Variants in ZNF431 observed in about 807,000 individuals in gnomAD.
ZNF431 encodes the protein zinc finger protein 431.
A neutral mutation model predicts 57.0 loss-of-function variants in ZNF431; 34 were observed. The ratio of observed to expected loss-of-function variants is 0.60; its 90% CI spans 0.45 to 0.79. The LOEUF is 0.79. Among genes scored for constraint, ZNF431 ranks in the 30% least tolerant of loss-of-function variants. ZNF431 has a pLI of 0.00. For missense variants in ZNF431, 607 were observed against 667.1 expected (o/e 0.91, Z 0.99); for synonymous variants, 207 against 220.3 (o/e 0.94, Z 0.54).
At chr19:21,148,872 A>C (rs1176975458) in intron 2 of ZNF431, among the ~76,000 whole-genome samples, 1 of 152,180 alleles carries the variant, frequency 6.6e-6, no homozygotes, top group African/African-American at 2.4e-5. Flanking sequence ...GGCTAACTTG[A>C]TGTGTCCCAG....
At position 21,187,812 on chromosome 19, in the gene ZNF431, T is replaced by C. The variant is rs1971412924; in HGVS notation, c.*3778T>C. The stretch of plus-strand genomic sequence containing the variant: ...TATGCATTTTCCAACTATGTATGCA[T>C]CACAGCTATTCTTTTTCTGAGTTAT... On this transcript the variant is annotated 3_prime_UTR_variant, in exon 5 of 5. Transcript: ENST00000311048. The C allele has an allele frequency of 6.6e-6, 1 of 152,234 alleles. No homozygotes were observed. Among genetic ancestry groups the C allele is most frequent in the Non-Finnish European group, 1.5e-5 (1 of 68,050 alleles). 9.4% of individuals were successfully genotyped at this position (152,234 alleles called of 1,614,324 possible).
intron 2 of ZNF431, among the ~76,000 whole-genome samples, chr19:21,152,955 G>A (rs1970317391): frequency 6.6e-6 from 1 of 152,230 alleles, no homozygotes; most frequent in South Asian, 2.1e-4. Context: ...GCAAGTTAAT[G>A]AAGAAAGTAA....
intron 2 of ZNF431, among the ~76,000 whole-genome samples, chr19:21,160,779 A>T (rs1449188380): frequency 6.6e-5 from 10 of 152,198 alleles, no homozygotes; most frequent in Non-Finnish European, 1.3e-4. Context: ...TGGTACCAAG[A>T]TGAGAGTTTC....
intron 2 of ZNF431, among the ~76,000 whole-genome samples, chr19:21,148,536 A>G (rs1384091527): frequency 6.6e-6 from 1 of 152,208 alleles, no homozygotes; most frequent in Admixed American, 6.5e-5. Flanking sequence ...CAAATCTTCC[A>G]CAATTTGTTT....
rs778542063 is a variant in ZNF431, at chr19:21,150,170, G to C, written c.96+6527G>C. On this transcript the variant is annotated intron_variant, in intron 2 of 4. Coordinates refer to ENST00000311048, the MANE Select transcript of ZNF431 (RefSeq NM_133473.4). ...GTAGGCTAGCTTAAGCAGCTGAGTA[G>C]CTGTTTGGTGGTCCAGGCCCTGGGT... 331 of 592,308 alleles carry C rather than the reference G, an allele frequency of 5.6e-4. 3 individuals are homozygous for C. Among genetic ancestry groups the C allele is most frequent in the Admixed American group, 3.6e-4 (16 of 44,658 alleles). 36.7% of individuals were successfully genotyped at this position (592,308 alleles called of 1,614,324 possible).
rs1299658246 is a variant in ZNF431, at chr19:21,149,560, TTTTC to T, written c.96+5921_96+5924del. 5 of 192,504 alleles carry T rather than the reference TTTTC, an allele frequency of 2.6e-5. No homozygotes were observed. The East Asian group carries it at 6.0e-4, about 23-fold the overall frequency. The allele number at this position is 192,504 out of a possible 1,614,324, so 11.9% of individuals were successfully genotyped here. Reference sequence around the variant, plus strand: ...ACAGAAGATTCAGTAGTTGTAAGGTTTTTCTTTGTCAATTTCTTTCTTTTTTTTG... The same window carrying T: ...ACAGAAGATTCAGTAGTTGTAAGGTTTTTGTCAATTTCTTTCTTTTTTTTG... On this transcript the variant is annotated intron_variant, in intron 2 of 4. Coordinates refer to ENST00000311048, the MANE Select transcript of ZNF431 (RefSeq NM_133473.4).
At chr19:21,169,349 C>T (rs542044664) in intron 4 of ZNF431, among the ~76,000 whole-genome samples, 6 of 152,296 alleles carry the variant, frequency 3.9e-5, no homozygotes, top group East Asian at 1.9e-4. Context: ...TCTTGTGCCA[C>T]ATACTTTCAG....
In ZNF431 at chr19:21,150,196, G is replaced by A. The variant is rs1379291787; in HGVS notation, c.96+6553G>A. 4 of 565,150 alleles carry A rather than the reference G, an allele frequency of 7.1e-6. No individual in the cohort carries two copies. The East Asian group carries it at 1.6e-4, about 23-fold the overall frequency. The allele number at this position is 565,150 out of a possible 1,614,324, so 35.0% of individuals were successfully genotyped here. A position where few individuals can be genotyped will look rare whatever the true frequency, so the allele number is the denominator to read the frequency against. Reference sequence around the variant, plus strand: ...CTGTTTGGTGGTCCAGGCCCTGGGTGAACTGGTTAATCACAGAAAAACACT... The same window carrying A: ...CTGTTTGGTGGTCCAGGCCCTGGGTAAACTGGTTAATCACAGAAAAACACT... On this transcript the variant is annotated intron_variant, in intron 2 of 4. Coordinates refer to ENST00000311048, the MANE Select transcript of ZNF431 (RefSeq NM_133473.4).
At chr19:21,150,446 C>CG (rs1003048260) in intron 2 of ZNF431, 40 of 241,430 alleles carry the variant, frequency 1.7e-4, no homozygotes, top group African/African-American at 9.0e-4. Context: ...CATCTTGGGT[C>CG]GGGGGAGGAG....
intron 2 of ZNF431, among the ~76,000 whole-genome samples, chr19:21,147,872 A>G (rs1370568205): frequency 2.0e-5 from 3 of 152,216 alleles, no homozygotes; most frequent in African/African-American, 7.2e-5. Context: ...TAGTCCAAAA[A>G]TAGTCAAACA....
Position 21,188,991 on chromosome 19 carries a change from G to A in ZNF431, c.*4957G>A, listed in dbSNP as rs917960519. 1.3e-5 allele frequency: 2 copies of A among 152,024 alleles called. No individual in the cohort carries two copies. Among genetic ancestry groups the A allele is most frequent in the Non-Finnish European group, 2.9e-5 (2 of 68,014 alleles). The allele number at this position is 152,024 out of a possible 1,614,324, so 9.4% of individuals were successfully genotyped here. A position where few individuals can be genotyped will look rare whatever the true frequency, so the allele number is the denominator to read the frequency against. ...TATGGTTATGATTAAAAAATTAAAT[G>A]ACAATAATAGCCCCAAAACTATATA... On this transcript the variant is annotated 3_prime_UTR_variant, in exon 5 of 5. Coordinates refer to ENST00000311048, the MANE Select transcript of ZNF431 (RefSeq NM_133473.4).
chr19:21,169,071 C>T (rs546447692), intron 4 of ZNF431, among the ~76,000 whole-genome samples: 21 of 152,154 alleles, frequency 1.4e-4, no homozygotes, highest in African/African-American at 4.6e-4. Flanking sequence ...GGCACCAGCC[C>T]AGCTAAATTT....
chr19:21,192,773 A>C lies in ZNF431; in HGVS notation c.*8739A>C, dbSNP rs953817460. The C allele has an allele frequency of 2.6e-5, 4 of 152,136 alleles. No individual in the cohort carries two copies. The highest frequency in any genetic ancestry group is 9.7e-5 in the African/African-American group (4 of 41,418). The allele number at this position is 152,136 out of a possible 1,614,324, so 9.4% of individuals were successfully genotyped here. On this transcript the variant is annotated 3_prime_UTR_variant, in exon 5 of 5. Coordinates refer to ENST00000311048, the MANE Select transcript of ZNF431 (RefSeq NM_133473.4). ...GCTGAAGTGCATTTGTTCTATACCT[A>C]ATTTTTTCAGCGATTTATCATAAGG...
rs945345168 is a variant in ZNF431 at position 21,193,082 on chromosome 19, A to T, written c.*9048A>T. ...TATAATGAAATTGAATTAATAATTT[A>T]AAAAACCTACCAACTATAAGGAGCC... On this transcript the variant is annotated 3_prime_UTR_variant, in exon 5 of 5. Transcript: ENST00000311048. 4 of 152,206 alleles carry T rather than the reference A, an allele frequency of 2.6e-5. No homozygotes were observed. The highest frequency in any genetic ancestry group is 6.5e-5 in the Admixed American group (1 of 15,286). The allele number at this position is 152,206 out of a possible 1,614,324, so 9.4% of individuals were successfully genotyped here.
chr19:21,144,958 T>C (rs1970041311), intron 2 of ZNF431, among the ~76,000 whole-genome samples: 1 of 151,776 alleles, frequency 6.6e-6, no homozygotes, highest in Non-Finnish European at 1.5e-5. Flanking sequence ...AACTGTTTAC[T>C]ACATGGTTTT....
rs1424266931 is a variant in ZNF431 at position 21,192,463 on chromosome 19, G to T, written c.*8429G>T. 6.6e-6 allele frequency: 1 copy of T among 152,144 alleles called. No individual in the cohort carries two copies. Among genetic ancestry groups the T allele is most frequent in the African/African-American group, 2.4e-5 (1 of 41,418 alleles). 9.4% of individuals were successfully genotyped at this position (152,144 alleles called of 1,614,324 possible). On this transcript the variant is annotated 3_prime_UTR_variant, in exon 5 of 5. Transcript: ENST00000311048. ...TTACAGGCAGGAGTCACTGCACCTTGCCTGTTTATAATTTTTAAGATTTAC... is the reference window on the plus strand; with the variant it reads ...TTACAGGCAGGAGTCACTGCACCTTTCCTGTTTATAATTTTTAAGATTTAC...
In ZNF431 at chr19:21,193,258, G is replaced by T. The variant is rs1026690191; in HGVS notation, c.*9224G>T. 1 of 152,222 alleles carries T rather than the reference G, an allele frequency of 6.6e-6. No homozygotes were observed. Among genetic ancestry groups the T allele is most frequent in the Non-Finnish European group, 1.5e-5 (1 of 68,052 alleles). The allele number at this position is 152,222 out of a possible 1,614,324, so 9.4% of individuals were successfully genotyped here. On this transcript the variant is annotated 3_prime_UTR_variant, in exon 5 of 5. Coordinates refer to ENST00000311048, the MANE Select transcript of ZNF431 (RefSeq NM_133473.4). ...TATAAAATCTGTATCGCTGCACGAG[G>T]TGGCTCACGCCTGTAATCCCAGCAC...
At position 21,191,506 on chromosome 19, in the gene ZNF431, A is replaced by G. The variant is rs1404402575; in HGVS notation, c.*7472A>G. The G allele has an allele frequency of 6.6e-6, 1 of 152,022 alleles. No homozygotes were observed. Among genetic ancestry groups the G allele is most frequent in the Non-Finnish European group, 1.5e-5 (1 of 67,988 alleles). 9.4% of individuals were successfully genotyped at this position (152,022 alleles called of 1,614,324 possible). On this transcript the variant is annotated 3_prime_UTR_variant, in exon 5 of 5. Coordinates refer to ENST00000311048, the MANE Select transcript of ZNF431 (RefSeq NM_133473.4). ...CAATGTTATAGGGCTTTTGCTCTAT[A>G]TTTTGGCAGTAGTAGTTTCAGAGTG...
rs1971301301 is a variant in ZNF431 at position 21,184,169 on chromosome 19, G to T, written c.*135G>T. ...GATCGAGACCATCCTGGCCAACATGGTGAAACCCTGTCTCTACTAAAAATA... is the reference window on the plus strand; with the variant it reads ...GATCGAGACCATCCTGGCCAACATGTTGAAACCCTGTCTCTACTAAAAATA... On this transcript the variant is annotated 3_prime_UTR_variant, in exon 5 of 5. Coordinates refer to ENST00000311048, the MANE Select transcript of ZNF431 (RefSeq NM_133473.4). The T allele has an allele frequency of 1.4e-6, 1 of 715,344 alleles. No individual in the cohort carries two copies. Among genetic ancestry groups the T allele is most frequent in the African/African-American group, 1.8e-5 (1 of 55,760 alleles). The allele number at this position is 715,344 out of a possible 1,614,324, so 44.3% of individuals were successfully genotyped here.
Sources: allele counts gnomAD v4.1 joint callset (sites outside exome capture counted in the v4.1 genomes callset), GRCh38; gene constraint gnomAD v4.1.1; transcripts MANE v1.5; gene names NCBI Gene and HGNC (gene_info 2026-07-23, HGNC 2026-07-21).